The following ARSG variants were observed in gnomAD, a reference collection of about 807,000 sequenced individuals.
The protein encoded by ARSG is arylsulfatase G.
Under a neutral mutation model 50.5 loss-of-function variants are expected in ARSG, and 37 were observed. That is an observed-to-expected ratio of 0.73 (90% CI 0.56 to 0.96). The LOEUF is 0.96. Among genes scored for constraint, ARSG ranks in the 50% least tolerant of loss-of-function variants. The probability of loss-of-function intolerance (pLI) is 0.00; values close to 1 mark genes in which losing one functional copy is unlikely to be tolerated. For missense variants in ARSG, 629 were observed against 675.3 expected, an observed-to-expected ratio of 0.93 and a Z score of 0.76; for synonymous variants, 225 against 254.6, an observed-to-expected ratio of 0.88 and a Z score of 1.11.
chr17:68,394,376 A>C (rs1461787699), intron 9 of ARSG, among the ~76,000 whole-genome samples: 1 of 152,126 alleles, frequency 6.6e-6, no homozygotes, highest in Non-Finnish European at 1.5e-5. Flanking sequence ...CTGAGGCAGG[A>C]GAATCACCTG....
rs549932018 is a variant in ARSG at position 68,295,474 on chromosome 17, T to TA, written c.-552+3917dup. On this transcript the variant is annotated intron_variant, in intron 1 of 11. Coordinates refer to ENST00000621439, the MANE Select transcript of ARSG (RefSeq NM_001267727.2). ...TTGCCATTTATTACTGCTTAAAAAT[T>TA]AAAAAAAAAAATAGAGAACATAGCC... 4.6e-3 allele frequency among the ~76,000 whole-genome samples: 677 copies of TA among 145,908 alleles called. 5 individuals carry two copies. The highest frequency in any genetic ancestry group is 0.018 in the Middle Eastern group (5 of 280).
the ARSG span, among the ~76,000 whole-genome samples, chr17:68,434,054 G>T: frequency 2.0e-5 from 3 of 152,014 alleles, no homozygotes. Flanking sequence ...ACAGACGTGA[G>T]CCACCGCGCC....
intron 8 of ARSG, among the ~76,000 whole-genome samples, 180 bp downstream of exon 8, chr17:68,370,704 G>A (rs1265329679): frequency 6.6e-6 from 1 of 152,144 alleles, no homozygotes; most frequent in African/African-American, 2.4e-5. Flanking sequence ...AAGTAGTGGT[G>A]GAGAAAACGA....
intron 1 of ARSG, among the ~76,000 whole-genome samples, chr17:68,292,654 C>T (rs1279711818): frequency 6.6e-6 from 1 of 152,062 alleles, no homozygotes; most frequent in Non-Finnish European, 1.5e-5. Context: ...CACGGAGGGT[C>T]GCCACCGGGA....
Position 68,401,465 on chromosome 17 carries a change from A to ACCGGTAATGTGG in ARSG, c.1303+16_1303+17insCGGTAATGTGGC. 1 of 1,611,816 alleles carries ACCGGTAATGTGG rather than the reference A, an allele frequency of 6.2e-7. No homozygotes were observed. The highest frequency in any genetic ancestry group is 2.2e-5 in the East Asian group (1 of 44,824). The stretch of plus-strand genomic sequence containing the variant: ...CTACATTACCGGTGAGTGAGGGGCC[A>ACCGGTAATGTGG]CTTAGCCCTGCCTCCCACAGTCACA... On this transcript the variant is annotated intron_variant, in intron 11 of 11. Coordinates refer to ENST00000621439, the MANE Select transcript of ARSG (RefSeq NM_001267727.2).
downstream of ARSG, chr17:68,424,350 G>A (rs2083007272): frequency 2.0e-6 from 1 of 492,890 alleles, no homozygotes; most frequent in South Asian, 1.5e-5. Flanking sequence ...CCTGCATGCA[G>A]GGCCCCACCG....
At chr17:68,427,086 G>A (rs777866434), downstream of ARSG, 7 of 1,479,050 alleles carry the variant, frequency 4.7e-6, no homozygotes, top group East Asian at 1.6e-4. Flanking sequence ...GAGAAGGGGA[G>A]GGAGGTCACT....
At chr17:68,334,047 G>A (rs537618613) in intron 2 of ARSG, among the ~76,000 whole-genome samples, 82 of 152,272 alleles carry the variant, frequency 5.4e-4, no homozygotes, top group African/African-American at 1.9e-3. Context: ...AGAGCTGGCC[G>A]GGGTGGCGCC....
intron 5 of ARSG, among the ~76,000 whole-genome samples, chr17:68,352,659 A>G (rs1316048896): frequency 6.6e-6 from 1 of 151,840 alleles, no homozygotes; most frequent in Non-Finnish European, 1.5e-5. Flanking sequence ...ACAGGTACCC[A>G]CTACCACACC....
chr17:68,376,714 A>G (rs2080168529), intron 8 of ARSG, among the ~76,000 whole-genome samples: 1 of 152,094 alleles, frequency 6.6e-6, no homozygotes, highest in African/African-American at 2.4e-5. Flanking sequence ...GATCCCTCTT[A>G]TATCAGGGGA....
At chr17:68,392,478 C>T (rs2081040532) in intron 9 of ARSG, among the ~76,000 whole-genome samples, 1 of 152,132 alleles carries the variant, frequency 6.6e-6, no homozygotes, top group African/African-American at 2.4e-5. Flanking sequence ...ATTTTTTCAA[C>T]CATAAACATT....
chr17:68,361,338 G>A (rs1374461642), intron 6 of ARSG, among the ~76,000 whole-genome samples: 1 of 152,162 alleles, frequency 6.6e-6, no homozygotes, highest in African/African-American at 2.4e-5. Flanking sequence ...GGCCATGTGA[G>A]GATACAGTGG....
At chr17:68,379,936 G>A (rs2146936695) in intron 8 of ARSG, 1 of 898,406 alleles carries the variant, frequency 1.1e-6, no homozygotes, top group Non-Finnish European at 1.3e-6. Context: ...TGTTCCCACA[G>A]CCCTGTGAGA....
At chr17:68,278,588 C>T (rs2075597628) in intron 1 of ARSG, among the ~76,000 whole-genome samples, 1 of 151,608 alleles carries the variant, frequency 6.6e-6, no homozygotes, top group Non-Finnish European at 1.5e-5. Flanking sequence ...GCATGTGCCA[C>T]CACAGCCAGC....
downstream of ARSG, chr17:68,421,876 G>T: frequency 6.2e-7 from 1 of 1,610,054 alleles, no homozygotes; most frequent in Non-Finnish European, 8.5e-7. Context: ...CTGGTAGGCA[G>T]GTGCATTATC....
At chr17:68,406,632 A>G (rs2081735173) in intron 11 of ARSG, among the ~76,000 whole-genome samples, 1 of 152,210 alleles carries the variant, frequency 6.6e-6, no homozygotes, top group Non-Finnish European at 1.5e-5. Flanking sequence ...TCTGATCATT[A>G]GTGACATTAA....
chr17:68,392,858 C>T (rs557551477), intron 9 of ARSG, among the ~76,000 whole-genome samples: 2 of 152,360 alleles, frequency 1.3e-5, no homozygotes, highest in African/African-American at 4.8e-5. Flanking sequence ...GAATGTTCCA[C>T]ATATCATGGC....
the ARSG span, among the ~76,000 whole-genome samples, chr17:68,435,945 C>T: frequency 7.2e-5 from 11 of 152,254 alleles, no homozygotes; most frequent in East Asian, 1.9e-4. Context: ...AAGGTGGCCA[C>T]GAACGGAGCA....
chr17:68,370,078 G>T (rs1303282714), intron 7 of ARSG, among the ~76,000 whole-genome samples: 1 of 152,124 alleles, frequency 6.6e-6, no homozygotes, highest in African/African-American at 2.4e-5. Flanking sequence ...GCAGTGGCAG[G>T]ATCTCGCGTC....
Sources: allele counts gnomAD v4.1 joint callset (sites outside exome capture counted in the v4.1 genomes callset), GRCh38; gene constraint gnomAD v4.1.1; transcripts MANE v1.5; gene names NCBI Gene and HGNC (gene_info 2026-07-23, HGNC 2026-07-21).